COL8A1: variants seen among roughly 807,000 people sequenced by gnomAD.
COL8A1 encodes the protein collagen type VIII alpha 1 chain.
A neutral mutation model predicts 42.7 loss-of-function variants in COL8A1; 21 were observed. The ratio of observed to expected loss-of-function variants is 0.49; its 90% CI spans 0.35 to 0.71. The LOEUF (loss-of-function observed/expected upper bound fraction) is 0.71. COL8A1 is among the 30% of genes least tolerant of loss of function. COL8A1 has a pLI of 0.01. For missense variants in COL8A1, 788 were observed against 962.4 expected, an observed-to-expected ratio of 0.82 and a Z score of 2.40; for synonymous variants, 367 against 369.1, an observed-to-expected ratio of 0.99 and a Z score of 0.06.
At chr3:99,653,995 C>T (rs1032374386) in intron 1 of COL8A1, among the ~76,000 whole-genome samples, 6 of 152,128 alleles carry the variant, frequency 3.9e-5, no homozygotes, top group African/African-American at 1.4e-4. Context: ...AGTCCCAAAA[C>T]CTCAAAAGTA....
chr3:99,750,920 G>A (rs1188783859), intron 2 of COL8A1, among the ~76,000 whole-genome samples: 1 of 152,122 alleles, frequency 6.6e-6, no homozygotes, highest in Admixed American at 6.5e-5. Context: ...CATTTCTAAT[G>A]GCATCTACTT....
rs1392920463 is a variant in COL8A1, at chr3:99,734,234, T to A, written c.-128-10663T>A. On this transcript the variant is annotated intron_variant, in intron 1 of 3. Coordinates refer to ENST00000652472, the MANE Select transcript of COL8A1 (RefSeq NM_020351.4). ...CATGAAGTCCTTGCCCATGCCTATG[T>A]CCTGAATAGTATTGCCTAGGTTTTC... 2.1e-5 allele frequency among the ~76,000 whole-genome samples: 3 copies of A among 141,268 alleles called. 1 individual carries two copies. Among genetic ancestry groups the A allele is most frequent in the Non-Finnish European group, 4.6e-5 (3 of 65,654 alleles). The allele number at this position is 141,268 out of a possible 152,430, so 92.7% of individuals were successfully genotyped here.
intron 2 of COL8A1, among the ~76,000 whole-genome samples, chr3:99,773,769 G>C (rs1425904621): frequency 1.5e-5 from 2 of 133,010 alleles, no homozygotes; most frequent in African/African-American, 5.6e-5. Flanking sequence ...GAAATGATAG[G>C]TTAGAAAATG....
chr3:99,681,085 A>G (rs925548602), intron 1 of COL8A1, among the ~76,000 whole-genome samples: 3 of 152,228 alleles, frequency 2.0e-5, no homozygotes, highest in Non-Finnish European at 1.5e-5. Flanking sequence ...ATGGGCAAGG[A>G]CTTCATGACT....
At chr3:99,732,412 T>C (rs1352937081) in intron 1 of COL8A1, among the ~76,000 whole-genome samples, 2 of 152,110 alleles carry the variant, frequency 1.3e-5, no homozygotes, top group Non-Finnish European at 2.9e-5. Context: ...GGAAACTTAC[T>C]ACAATCATGG....
rs549682278 is a variant in COL8A1, at chr3:99,671,191, A to C, written c.-129+32527A>C. On this transcript the variant is annotated intron_variant, in intron 1 of 3. Transcript: ENST00000652472. ...TATTAAAACAAATATGAAAAATACAAGTAACAAGTAAGTTTATGTGATTTC... is the reference window on the plus strand; with the variant it reads ...TATTAAAACAAATATGAAAAATACACGTAACAAGTAAGTTTATGTGATTTC... Among the ~76,000 whole-genome samples the C allele has an allele frequency of 1.1e-3, 161 of 152,200 alleles. 1 individual carries two copies. The highest frequency in any genetic ancestry group is 5.4e-3 in the Admixed American group (82 of 15,276).
chr3:99,773,898 G>C (rs1941641449), intron 2 of COL8A1, among the ~76,000 whole-genome samples: 1 of 123,678 alleles, frequency 8.1e-6, no homozygotes, highest in Non-Finnish European at 1.6e-5. Context: ...AGGCGGGAAT[G>C]TAGTGATGCA....
At chr3:99,766,724 T>C (rs558518957) in intron 2 of COL8A1, among the ~76,000 whole-genome samples, 2 of 152,286 alleles carry the variant, frequency 1.3e-5, no homozygotes, top group Non-Finnish European at 1.5e-5. Flanking sequence ...CCAAGGCCAG[T>C]GGATCACCTG....
chr3:99,639,138 T>C (rs910856205), intron 1 of COL8A1, among the ~76,000 whole-genome samples: 7 of 152,038 alleles, frequency 4.6e-5, no homozygotes, highest in Admixed American at 3.9e-4. Context: ...CTGTGAGTCC[T>C]TTAAAAAAAT....
chr3:99,652,688 C>T (rs12639371), intron 1 of COL8A1, among the ~76,000 whole-genome samples: 90,360 of 151,998 alleles, frequency 0.59, 30,485 homozygotes, highest in Middle Eastern at 0.83. Flanking sequence ...AGAAGAGAAC[C>T]CAAACTCTCC....
At chr3:99,654,570 T>C in intron 1 of COL8A1, among the ~76,000 whole-genome samples, 1 of 152,060 alleles carries the variant, frequency 6.6e-6, no homozygotes. Flanking sequence ...GGTAGATCAC[T>C]TGAGCCTAGG....
chr3:99,766,251 T>C (rs1175157727), intron 2 of COL8A1, among the ~76,000 whole-genome samples: 1 of 152,190 alleles, frequency 6.6e-6, no homozygotes, highest in South Asian at 2.1e-4. Context: ...GGCTGTGTAT[T>C]CCCTAAGGTT....
chr3:99,648,657 T>G (rs1937733996), intron 1 of COL8A1, among the ~76,000 whole-genome samples: 2 of 152,090 alleles, frequency 1.3e-5, no homozygotes, highest in African/African-American at 4.8e-5. Context: ...TTGGCACCAA[T>G]CCGGTAAAAA....
chr3:99,668,176 A>T (rs1477456216), intron 1 of COL8A1, among the ~76,000 whole-genome samples: 1 of 152,132 alleles, frequency 6.6e-6, no homozygotes, highest in Non-Finnish European at 1.5e-5. Context: ...TAGCATTTTT[A>T]AAAACTGTCT....
At chr3:99,789,380 TTC>T (rs148204843) in intron 2 of COL8A1, among the ~76,000 whole-genome samples, 4 of 151,344 alleles carry the variant, frequency 2.6e-5, no homozygotes, top group Admixed American at 6.6e-5. Context: ...AATTTGCCAC[TTC>T]TCTCTCTCTC....
intron 2 of COL8A1, among the ~76,000 whole-genome samples, chr3:99,773,012 G>A (rs1027159073): frequency 2.6e-5 from 4 of 152,086 alleles, no homozygotes; most frequent in Non-Finnish European, 5.9e-5. Flanking sequence ...TCAGGCAAGT[G>A]GTTTAACCTC....
chr3:99,778,557 A>G (rs1020368264), intron 2 of COL8A1, among the ~76,000 whole-genome samples: 2 of 152,164 alleles, frequency 1.3e-5, no homozygotes, highest in Non-Finnish European at 2.9e-5. Context: ...GTTATCACTG[A>G]TCTCAAGAAT....
At chr3:99,770,708 A>T (rs1020473536) in intron 2 of COL8A1, among the ~76,000 whole-genome samples, 1 of 152,208 alleles carries the variant, frequency 6.6e-6, no homozygotes, top group Non-Finnish European at 1.5e-5. Flanking sequence ...GGTGTCATCC[A>T]TTCAATCATT....
chr3:99,763,730 T>C (rs1941407631), intron 2 of COL8A1, among the ~76,000 whole-genome samples: 1 of 152,180 alleles, frequency 6.6e-6, no homozygotes, highest in African/African-American at 2.4e-5. Flanking sequence ...CCCAGTACCA[T>C]GTTCTGCTTC....
Sources: allele counts gnomAD v4.1 joint callset (sites outside exome capture counted in the v4.1 genomes callset), GRCh38; gene constraint gnomAD v4.1.1; transcripts MANE v1.5; gene names NCBI Gene and HGNC (gene_info 2026-07-23, HGNC 2026-07-21).